The following PCDHGB4 variants were observed in gnomAD, a reference collection of about 807,000 sequenced individuals.
PCDHGB4 encodes the protein protocadherin gamma-B4.
In PCDHGB4, 38 loss-of-function variants were observed where a neutral mutation model predicts 60.5. The ratio of observed to expected loss-of-function variants is 0.63; its 90% CI spans 0.48 to 0.82. The LOEUF (loss-of-function observed/expected upper bound fraction) is 0.82. Ranked by LOEUF, PCDHGB4 falls within the 40% of genes least tolerant of loss-of-function variation. PCDHGB4 has a pLI of 0.00. For synonymous variants in PCDHGB4, 456 were observed against 509.7 expected, an observed-to-expected ratio of 0.89 and a Z score of 1.42; for missense variants, 1,109 against 1,209.6, an observed-to-expected ratio of 0.92 and a Z score of 1.23.
intron 1 of PCDHGB4, among the ~76,000 whole-genome samples, chr5:141,443,085 G>A (rs991288098): frequency 3.9e-5 from 6 of 151,916 alleles, no homozygotes; most frequent in Admixed American, 2.6e-4. Flanking sequence ...GAGTGTTCCA[G>A]TCTCCTTCTC....
intron 1 of PCDHGB4, among the ~76,000 whole-genome samples, chr5:141,448,001 G>A (rs143950707): frequency 0.046 from 7,030 of 151,928 alleles, 245 homozygotes; most frequent in African/African-American, 0.093. Context: ...CATGAGAATC[G>A]CTTGAACCCA....
At chr5:141,496,948 G>A (rs2099772844) in intron 2 of PCDHGB4, among the ~76,000 whole-genome samples, 1 of 151,826 alleles carries the variant, frequency 6.6e-6, no homozygotes, top group Admixed American at 6.6e-5. Context: ...CACTTTGGGA[G>A]GCCAAGGTGG....
chr5:141,483,456 G>T (rs2099581503), intron 1 of PCDHGB4, among the ~76,000 whole-genome samples: 1 of 152,180 alleles, frequency 6.6e-6, no homozygotes, highest in Admixed American at 6.5e-5. Context: ...ATCAGGACTT[G>T]TTGATTGACA....
intron 1 of PCDHGB4, among the ~76,000 whole-genome samples, chr5:141,470,268 G>A (rs1349444076): frequency 6.6e-6 from 1 of 152,082 alleles, no homozygotes; most frequent in East Asian, 1.9e-4. Flanking sequence ...GGAGATACAT[G>A]TTTGTTTGAT....
intron 1 of PCDHGB4, chr5:141,422,606 C>A: frequency 6.2e-7 from 1 of 1,613,904 alleles, no homozygotes; most frequent in Non-Finnish European, 8.5e-7. Context: ...TCTTACTCTG[C>A]CTACATTCCC....
chr5:141,415,045 G>T, intron 1 of PCDHGB4: 1 of 1,613,538 alleles, frequency 6.2e-7, no homozygotes, highest in East Asian at 2.2e-5. Context: ...CTTCGCGGTG[G>T]GGGAGCACAC....
intron 1 of PCDHGB4, among the ~76,000 whole-genome samples, chr5:141,401,573 G>A (rs372919699): frequency 4.6e-5 from 7 of 152,128 alleles, no homozygotes; most frequent in East Asian, 3.9e-4. Context: ...TCTCTTGCTC[G>A]GAATCCTGAC....
chr5:141,492,499 C>T (rs2099741220), intron 1 of PCDHGB4, among the ~76,000 whole-genome samples: 1 of 152,198 alleles, frequency 6.6e-6, no homozygotes. Context: ...GGCGAGGACT[C>T]CGGAGCCTCC....
Position 141,487,945 on chromosome 5 carries a change from G to A in PCDHGB4, c.2398-6862G>A, listed in dbSNP as rs2099669554. ...CAGTGCACAGGGTACAGTGCACCAG[G>A]CAGTCACTTGGACAAAGGTGGCTGT... On this transcript the variant is annotated intron_variant, in intron 1 of 3. Transcript: ENST00000519479. This position sits in a 1 kb window ranked among gnomAD's most constrained non-coding sequence, Gnocchi z 5.0. Among the ~76,000 whole-genome samples the A allele has an allele frequency of 6.6e-6, 1 of 152,198 alleles. No individual in the cohort carries two copies. Among genetic ancestry groups the A allele is most frequent in the Non-Finnish European group, 1.5e-5 (1 of 68,036 alleles).
At chr5:141,494,583 G>A (rs2099755431) in intron 1 of PCDHGB4, among the ~76,000 whole-genome samples, 1 of 152,152 alleles carries the variant, frequency 6.6e-6, no homozygotes, top group Non-Finnish European at 1.5e-5. Flanking sequence ...CTTGCTCACT[G>A]TGGTCAGATG....
chr5:141,492,072 C>G (rs2099736816), intron 1 of PCDHGB4: 2 of 480,040 alleles, frequency 4.2e-6, no homozygotes, highest in East Asian at 3.3e-5. Context: ...TCCTAGGCGC[C>G]GGCTCCGGCA....
chr5:141,444,406 G>A (rs1296878411), intron 1 of PCDHGB4, among the ~76,000 whole-genome samples: 1 of 151,874 alleles, frequency 6.6e-6, no homozygotes, highest in Non-Finnish European at 1.5e-5. Context: ...CCCAACCTCA[G>A]GTGATCTTCC....
chr5:141,460,681 A>G (rs2098995379), intron 1 of PCDHGB4, among the ~76,000 whole-genome samples: 1 of 152,134 alleles, frequency 6.6e-6, no homozygotes, highest in African/African-American at 2.4e-5. Context: ...ATATATCTAT[A>G]TATCCACCAA....
chr5:141,466,375 C>A (rs2099121518), intron 1 of PCDHGB4, among the ~76,000 whole-genome samples: 1 of 152,042 alleles, frequency 6.6e-6, no homozygotes, highest in Non-Finnish European at 1.5e-5. Context: ...GGTTTTGGCA[C>A]CCATCTAATG....
chr5:141,417,034 T>C (rs1408752235), intron 1 of PCDHGB4: 1 of 151,548 alleles, frequency 6.6e-6, no homozygotes, highest in Non-Finnish European at 1.5e-5. Context: ...ACAGGTTTTT[T>C]TTTTAAAAAA....
rs753473913 is a variant in PCDHGB4 at position 141,503,323 on chromosome 5, G to A, written c.2457-2070G>A. On this transcript the variant is annotated intron_variant, in intron 2 of 3. Transcript: ENST00000519479. The stretch of plus-strand genomic sequence containing the variant: ...CTCAAGAAAGAATTGTTGGAGGGGC[G>A]CGGTGGCTCACGCCTGTAATTCCAG... Among the ~76,000 whole-genome samples the A allele has an allele frequency of 2.0e-5, 3 of 152,214 alleles. No individual in the cohort carries two copies. In the Middle Eastern group the frequency reaches 0.01, roughly 518 times the overall value.
At chr5:141,467,337 G>A (rs1018807977) in intron 1 of PCDHGB4, among the ~76,000 whole-genome samples, 1 of 152,162 alleles carries the variant, frequency 6.6e-6, no homozygotes, top group Admixed American at 6.6e-5. Flanking sequence ...AGAGACGTAA[G>A]CCACTGCCCC....
At position 141,490,409 on chromosome 5, in the gene PCDHGB4, C is replaced by G; in HGVS notation, c.2398-4398C>G. On this transcript the variant is annotated intron_variant, in intron 1 of 3. Transcript: ENST00000519479. The surrounding 1 kb of genome is among the most constrained non-coding windows in gnomAD (Gnocchi z 5.4). ...AATGGTGAAGTGAGCCTTGATATCT[C>G]TCCGGACCTGCCATTTCAGATTAAG... 1 of 1,614,202 alleles carries G rather than the reference C, an allele frequency of 6.2e-7. No homozygotes were observed. Among genetic ancestry groups the G allele is most frequent in the Non-Finnish European group, 8.5e-7 (1 of 1,180,038 alleles).
In PCDHGB4 at chr5:141,431,129, A is replaced by G. The variant is rs771219303; in HGVS notation, c.2397+40848A>G. The G allele has an allele frequency of 7.4e-6, 12 of 1,614,152 alleles. No homozygotes were observed. The Admixed American group carries it at 1.7e-4, about 22-fold the overall frequency. Reference sequence around the variant, plus strand: ...AATATATGGAGTAGAAGTAGAAGTAAGGGACATTAACGACAATGCGCCTTA... The same window carrying G: ...AATATATGGAGTAGAAGTAGAAGTAGGGGACATTAACGACAATGCGCCTTA... On this transcript the variant is annotated intron_variant, in intron 1 of 3. Coordinates refer to ENST00000519479, the MANE Select transcript of PCDHGB4 (RefSeq NM_003736.4). The surrounding 1 kb of genome is among the most constrained non-coding windows in gnomAD (Gnocchi z 4.8).
Sources: gnomAD v4.1 joint callset for allele counts (sites outside exome capture counted in the v4.1 genomes callset) on GRCh38, gnomAD v4.1.1 for gene constraint, Gnocchi (gnomAD v3.1) non-coding constraint, MANE v1.5 for transcripts, NCBI Gene and HGNC (gene_info 2026-07-23, HGNC 2026-07-21) for gene names.